RNF145: variants seen among roughly 807,000 people sequenced by gnomAD.
RNF145 encodes the protein ring finger protein 145.
RNF145 carries 12 observed loss-of-function variants against 57.3 expected under a neutral mutation model. The ratio of observed to expected loss-of-function variants is 0.21; its 90% CI spans 0.13 to 0.34. The LOEUF is 0.34. RNF145 is among the 10% of genes least tolerant of loss of function. The pLI is 1.00. For missense variants in RNF145, 429 were observed against 799.0 expected (o/e 0.54, Z 5.58); for synonymous variants, 262 against 288.3 (o/e 0.91, Z 0.92).
At chr5:159,183,386 T>C (rs1044214280) in intron 3 of RNF145, among the ~76,000 whole-genome samples, 10 of 152,268 alleles carry the variant, frequency 6.6e-5, no homozygotes, top group African/African-American at 2.4e-4. Flanking sequence ...AGGCCAAAGA[T>C]GCTGCTAAAT....
Position 159,158,704 on chromosome 5 carries a change from G to C in RNF145, c.1958C>G (p.Ala653Gly). 1.2e-6 allele frequency: 2 copies of C among 1,613,850 alleles called. No individual in the cohort carries two copies. Among genetic ancestry groups the C allele is most frequent in the Non-Finnish European group, 1.7e-6 (2 of 1,179,836 alleles). Residue 653 changes from alanine (A) to glycine (G), a missense_variant, in exon 11 of 11, where the codon GCG becomes GGG. By Grantham distance (60) the Ala-to-Gly change is moderately conservative. Coordinates refer to ENST00000424310, the MANE Select transcript of RNF145 (RefSeq NM_001199383.2). ...TTCAACAGGATGTGCTTCATCTTTCGCACTGTGAGGATATTCTTTGGGGTC... is the reference window on the plus strand; with the variant it reads ...TTCAACAGGATGTGCTTCATCTTTCCCACTGTGAGGATATTCTTTGGGGTC... The part of the protein sequence containing the change: ...AFDPKEYPHS[A>G]KDEAHPVESA
intron 3 of RNF145, among the ~76,000 whole-genome samples, chr5:159,188,183 C>G (rs1051701946): frequency 2.0e-5 from 3 of 151,958 alleles, no homozygotes; most frequent in African/African-American, 7.3e-5. Context: ...GAGACTGAGA[C>G]CATCCTGGCT....
intron 3 of RNF145, 75 bp from the exon 4 acceptor site, chr5:159,182,126 T>G (rs867033533): frequency 3.4e-6 from 3 of 887,056 alleles, no homozygotes; most frequent in Middle Eastern, 5.0e-4. Context: ...TATAAAAGCA[T>G]ATTATGTTAA....
chr5:159,194,099 AG>A (rs1157662048), intron 3 of RNF145, among the ~76,000 whole-genome samples: 3 of 152,250 alleles, frequency 2.0e-5, no homozygotes, highest in Non-Finnish European at 4.4e-5. Context: ...AAGAGATAGA[AG>A]GTTAGCTATA....
intron 3 of RNF145, among the ~76,000 whole-genome samples, chr5:159,185,226 T>TAG (rs1584690259): frequency 1.3e-5 from 2 of 152,102 alleles, no homozygotes; most frequent in East Asian, 3.8e-4. Flanking sequence ...CAGCCAGGCC[T>TAG]AGAAAGCCTG....
At chr5:159,209,726 C>G, upstream of RNF145, 4 of 1,114,020 alleles carry the variant, frequency 3.6e-6, no homozygotes, top group Non-Finnish European at 5.2e-6. Context: ...TACAGCCCGG[C>G]TCGGGTGGCT....
intron 2 of RNF145, among the ~76,000 whole-genome samples, chr5:159,196,998 T>A (rs1785483213): frequency 6.6e-6 from 1 of 152,222 alleles, no homozygotes; most frequent in African/African-American, 2.4e-5. Context: ...ATCAACATTA[T>A]TATGTGTAAA....
chr5:159,160,872 C>T (rs947071288), intron 10 of RNF145, among the ~76,000 whole-genome samples: 3 of 152,134 alleles, frequency 2.0e-5, no homozygotes, highest in African/African-American at 4.8e-5. Flanking sequence ...TTCTTCCCCA[C>T]TCTGGAAATA....
chr5:159,185,369 C>T (rs1025445367), intron 3 of RNF145, among the ~76,000 whole-genome samples: 2 of 152,088 alleles, frequency 1.3e-5, no homozygotes, highest in Non-Finnish European at 2.9e-5. Context: ...TCTGGGCATC[C>T]CATCCCAAAC....
At chr5:159,191,914 T>C (rs553618919) in intron 3 of RNF145, among the ~76,000 whole-genome samples, 4 of 152,250 alleles carry the variant, frequency 2.6e-5, no homozygotes, top group African/African-American at 9.6e-5. Flanking sequence ...CCTCTGAAAC[T>C]ACTTAGGTCC....
intron 2 of RNF145, among the ~76,000 whole-genome samples, chr5:159,200,649 C>G (rs1785630177): frequency 6.6e-6 from 1 of 152,184 alleles, no homozygotes; most frequent in African/African-American, 2.4e-5. Flanking sequence ...AATACTAAAG[C>G]TTAAAAACCT....
chr5:159,188,590 C>T (rs543320354), intron 3 of RNF145, among the ~76,000 whole-genome samples: 1 of 152,020 alleles, frequency 6.6e-6, no homozygotes, highest in African/African-American at 2.4e-5. Flanking sequence ...AAATACATTC[C>T]CTACATCCCT....
At chr5:159,201,946 A>G (rs1785684507) in intron 2 of RNF145, among the ~76,000 whole-genome samples, 1 of 152,236 alleles carries the variant, frequency 6.6e-6, no homozygotes. Context: ...TTCTGTAAAC[A>G]GGAGCATTAC....
intron 10 of RNF145, among the ~76,000 whole-genome samples, chr5:159,159,763 A>G (rs2113066960): frequency 6.6e-6 from 1 of 152,340 alleles, no homozygotes; most frequent in Admixed American, 6.5e-5. Flanking sequence ...CTTTGCATTA[A>G]TATTCCTTGC....
At chr5:159,194,929 C>G (rs926901979) in intron 2 of RNF145, 105 bp from the exon 3 acceptor site, 2 of 762,362 alleles carry the variant, frequency 2.6e-6, no homozygotes, top group Non-Finnish European at 4.1e-6. Context: ...GGTTTCAGTA[C>G]TTTCTGAGGT....
intron 1 of RNF145, among the ~76,000 whole-genome samples, chr5:159,208,292 A>G (rs1355883260): frequency 6.6e-6 from 1 of 152,168 alleles, no homozygotes; most frequent in African/African-American, 2.4e-5. Context: ...GAGGCTCGAG[A>G]GCTCCCCTCC....
intron 10 of RNF145, among the ~76,000 whole-genome samples, chr5:159,159,483 A>C (rs1307538992): frequency 6.6e-6 from 1 of 152,220 alleles, no homozygotes; most frequent in African/African-American, 2.4e-5. Flanking sequence ...CAAAGAGACA[A>C]AATCGGCCAT....
rs142945334 is a variant in RNF145 at position 159,207,777 on chromosome 5, G to C, written c.-40+1454C>G. 2.5e-5 allele frequency: 40 copies of C among 1,613,956 alleles called. No homozygotes were observed. The Admixed American group carries it at 2.5e-4, about 10-fold the overall frequency. ...TACCTGATCTCCACATAAACTACTAGCAATTCTGTGGTTTCTCATCATCTC... is the reference window on the plus strand; with the variant it reads ...TACCTGATCTCCACATAAACTACTACCAATTCTGTGGTTTCTCATCATCTC... On this transcript the variant is annotated intron_variant, in intron 1 of 10. Transcript: ENST00000424310.
rs913658820 is a variant in RNF145 at position 159,158,422 on chromosome 5, A to G, written c.*248T>C. ...TTGCTGAGGTTGAATTTTCTTCACA[A>G]ACCTCTATAAAACATCAGCAGAGAA... On this transcript the variant is annotated 3_prime_UTR_variant, in exon 11 of 11. Coordinates refer to ENST00000424310, the MANE Select transcript of RNF145 (RefSeq NM_001199383.2). 6.3e-5 allele frequency: 28 copies of G among 443,474 alleles called. No homozygotes were observed. The highest frequency in any genetic ancestry group is 2.0e-5 in the African/African-American group (1 of 51,148). 27.5% of individuals were successfully genotyped at this position (443,474 alleles called of 1,614,324 possible).
Sources: allele counts gnomAD v4.1 joint callset (sites outside exome capture counted in the v4.1 genomes callset), GRCh38; gene constraint gnomAD v4.1.1; transcripts MANE v1.5; gene names NCBI Gene and HGNC (gene_info 2026-07-23, HGNC 2026-07-21).